PTPN23: variants seen among roughly 807,000 people sequenced by gnomAD.
The protein encoded by PTPN23 is protein tyrosine phosphatase non-receptor type 23, also known as tyrosine-protein phosphatase non-receptor type 23.
Under a neutral mutation model 156.3 loss-of-function variants are expected in PTPN23, and 72 were observed. The observed-to-expected ratio is 0.46, with a 90% CI of 0.38 to 0.56. The LOEUF (loss-of-function observed/expected upper bound fraction) is 0.56, where lower values mean the gene tolerates loss of function less well. Among genes scored for constraint, PTPN23 ranks in the 20% least tolerant of loss-of-function variants. The pLI is 0.00. For missense variants in PTPN23, 1,974 were observed against 2,171.5 expected (o/e 0.91, Z 1.81); for synonymous variants, 957 against 899.6 (o/e 1.06, Z -1.14).
chr3:47,404,811 A>G (rs1220650853), intron 3 of PTPN23, 32 bp downstream of exon 3: 3 of 1,608,322 alleles, frequency 1.9e-6, no homozygotes, highest in Admixed American at 3.4e-5. Flanking sequence ...GGAGGATCCC[A>G]CGGGGAGTCT....
At chr3:47,400,595 C>T (rs1468386579) in intron 2 of PTPN23, among the ~76,000 whole-genome samples, 1 of 152,192 alleles carries the variant, frequency 6.6e-6, no homozygotes, top group Non-Finnish European at 1.5e-5. Context: ...ATTTTTGACA[C>T]AGAGTTTCAC....
rs1302988524 is a variant in PTPN23 at position 47,407,118 on chromosome 3, C to CA, written c.808-11dup. ...AGGAGGACAGAGCAGGCTTTCCTGC[C>CA]ACCCTCCACAGGTTGCATACTTCCA... On this transcript the variant is annotated splice_polypyrimidine_tract_variant and intron_variant, in intron 9 of 24. Transcript: ENST00000265562. This position sits in a 1 kb window ranked among gnomAD's most constrained non-coding sequence, Gnocchi z 4.0. 6.2e-6 allele frequency: 10 copies of CA among 1,613,792 alleles called. No individual in the cohort carries two copies. Among genetic ancestry groups the CA allele is most frequent in the African/African-American group, 1.3e-5 (1 of 74,874 alleles).
Position 47,406,367 on chromosome 3 carries a change from A to G in PTPN23, c.589A>G (p.Asn197Asp), listed in dbSNP as rs1265238894. The change falls in exon 7 of 25, where the codon AAC becomes GAC. Residue 197 changes from asparagine (N) to aspartate (D), a missense_variant. By Grantham distance (23) the Asn-to-Asp change is conservative. Around this residue, in one of 4 missense-constraint regions of PTPN23, gnomAD observed 726 missense variants for 929.5 expected, o/e 0.78. Coordinates refer to ENST00000265562, the MANE Select transcript of PTPN23 (RefSeq NM_015466.4). This position sits in a 1 kb window ranked among gnomAD's most constrained non-coding sequence, Gnocchi z 5.8. The part of the protein sequence containing the change: ...ECLLEKSMLD[N>D]RKSFLVARIS... ...CCTCCTGGAGAAGTCGATGTTGGAC[A>G]ACAGGAAGAGCTTTCTGGTGGCCCG... The G allele has an allele frequency of 6.2e-7, 1 of 1,613,736 alleles. No individual in the cohort carries two copies. Among genetic ancestry groups the G allele is most frequent in the African/African-American group, 1.3e-5 (1 of 74,912 alleles).
intron 1 of PTPN23, among the ~76,000 whole-genome samples, chr3:47,395,735 C>T (rs922549787): frequency 1.3e-5 from 2 of 152,308 alleles, no homozygotes; most frequent in African/African-American, 4.8e-5. Context: ...TGTTTGGTGC[C>T]TCTTGCCTGC....
intron 2 of PTPN23, among the ~76,000 whole-genome samples, chr3:47,397,814 C>T (rs1388320206): frequency 1.3e-5 from 2 of 152,114 alleles, no homozygotes; most frequent in Non-Finnish European, 2.9e-5. Context: ...GGACTACAGG[C>T]GCCCACCACC....
rs763621469 is a variant in PTPN23, at chr3:47,411,666, T to G, written c.3868T>G (p.Ser1290Ala). 1 of 1,604,010 alleles carries G rather than the reference T, an allele frequency of 6.2e-7. No homozygotes were observed. Among genetic ancestry groups the G allele is most frequent in the Non-Finnish European group, 8.5e-7 (1 of 1,173,432 alleles). ...QKVSVIVMLV[S>A]EAEMEKQKVA... ...AGTGTCAGTCATTGTCATGCTGGTTTCTGAGGCTGAGATGGAGAAGGTGAG... is the reference window on the plus strand; with the variant it reads ...AGTGTCAGTCATTGTCATGCTGGTTGCTGAGGCTGAGATGGAGAAGGTGAG... Residue 1290 changes from serine (S) to alanine (A), a missense_variant, in exon 20 of 25, where the codon TCT (serine) becomes GCT (alanine). Coordinates refer to ENST00000265562, the MANE Select transcript of PTPN23 (RefSeq NM_015466.4). This position sits in a 1 kb window ranked among gnomAD's most constrained non-coding sequence, Gnocchi z 6.3.
Position 47,409,070 on chromosome 3 carries a change from C to T in PTPN23, c.1625C>T (p.Thr542Ile), listed in dbSNP as rs1249454574. 6.2e-6 allele frequency: 10 copies of T among 1,611,956 alleles called. No homozygotes were observed. The highest frequency in any genetic ancestry group is 4.0e-5 in the African/African-American group (3 of 74,932). The change falls in exon 16 of 25, where the codon ACA becomes ATA. Residue 542 changes from threonine (T) to isoleucine (I), a missense_variant. Thr to Ile is a moderately conservative substitution (Grantham distance 89). Coordinates refer to ENST00000265562, the MANE Select transcript of PTPN23 (RefSeq NM_015466.4). ...GACCAGGTCCGGGCTGCCCTGCCCA[C>T]ACCGGCCCTCTCCCCAGGTGAGCCC... ...PLDQVRAALP[T>I]PALSPEDKAV...
At position 47,407,353 on chromosome 3, in the gene PTPN23, T is replaced by C. The variant is rs1237790572; in HGVS notation, c.909T>C (p.Asp303=). 1 of 1,613,920 alleles carries C rather than the reference T, an allele frequency of 6.2e-7. No individual in the cohort carries two copies. The highest frequency in any genetic ancestry group is 2.2e-5 in the East Asian group (1 of 44,858). Residue 303 remains aspartate, a synonymous_variant, in exon 11 of 25, where the codon GAT becomes GAC. Coordinates refer to ENST00000265562, the MANE Select transcript of PTPN23 (RefSeq NM_015466.4). The surrounding 1 kb of genome is among the most constrained non-coding windows in gnomAD (Gnocchi z 4.0). The part of the protein sequence containing the change: ...TVQDALRFTM[D]VIGGKYNSAK... The stretch of plus-strand genomic sequence containing the variant: ...AAGACGCGCTTCGCTTCACTATGGA[T>C]GTCATTGGGGGAAAGTGAGTCTGTG...
In PTPN23 at chr3:47,410,701, G is replaced by A; in HGVS notation, c.2903G>A (p.Gly968Glu). 1 of 1,601,234 alleles carries A rather than the reference G, an allele frequency of 6.2e-7. No individual in the cohort carries two copies. Among genetic ancestry groups the A allele is most frequent in the Non-Finnish European group, 8.5e-7 (1 of 1,174,588 alleles). Reference sequence around the variant, plus strand: ...CAGCCCCATCCTTCACAAGCGTTTGGGCCTCAGCCCCCACAGCAGCCCCTT... The same window carrying A: ...CAGCCCCATCCTTCACAAGCGTTTGAGCCTCAGCCCCCACAGCAGCCCCTT... ...HPQPHPSQAFGPQPPQQPLPL... is the reference protein window; with the variant it reads ...HPQPHPSQAFEPQPPQQPLPL... The change falls in exon 20 of 25, where the codon GGG (glycine) becomes GAG (glutamate). Residue 968 changes from glycine to glutamate, a missense_variant. Physicochemically the swap from Gly to Glu is moderately conservative, Grantham distance 98. Around this residue, in one of 4 missense-constraint regions of PTPN23, gnomAD observed 731 missense variants for 669.1 expected, o/e 1.09. Coordinates refer to ENST00000265562, the MANE Select transcript of PTPN23 (RefSeq NM_015466.4).
intron 1 of PTPN23, among the ~76,000 whole-genome samples, chr3:47,393,284 T>C (rs1704812653): frequency 6.6e-6 from 1 of 151,938 alleles, no homozygotes; most frequent in East Asian, 1.9e-4. Flanking sequence ...TCCTGAGAAG[T>C]TGGGATTACA....
chr3:47,403,484 T>A (rs572742225), intron 2 of PTPN23, among the ~76,000 whole-genome samples: 32 of 152,324 alleles, frequency 2.1e-4, no homozygotes, highest in Non-Finnish European at 4.3e-4. Context: ...ATAATTAATT[T>A]AAAACAGTCC....
chr3:47,394,830 G>A (rs1704846073), intron 1 of PTPN23, among the ~76,000 whole-genome samples: 1 of 152,132 alleles, frequency 6.6e-6, no homozygotes, highest in Non-Finnish European at 1.5e-5. Context: ...TTTAAAGCTG[G>A]AAGTGACCTC....
At position 47,409,530 on chromosome 3, in the gene PTPN23, C is replaced by T. The variant is rs778078873; in HGVS notation, c.1911C>T (p.Tyr637=). The T allele has an allele frequency of 1.6e-5, 26 of 1,614,024 alleles. No homozygotes were observed. Among genetic ancestry groups the T allele is most frequent in the East Asian group, 6.7e-5 (3 of 44,880 alleles). Reference sequence around the variant, plus strand: ...CACTGACAGAGGCCAACGTGCAGTACGCAGCCGTGCGGCGGGTACTCAGCG... The same window carrying T: ...CACTGACAGAGGCCAACGTGCAGTATGCAGCCGTGCGGCGGGTACTCAGCG... ...LCALTEANVQ[Y]AAVRRVLSDL... The change falls in exon 18 of 25, where the codon TAC becomes TAT. Residue 637 remains tyrosine, a synonymous_variant. Coordinates refer to ENST00000265562, the MANE Select transcript of PTPN23 (RefSeq NM_015466.4).
chr3:47,392,033 ACAC>A (rs534348695), intron 1 of PTPN23, among the ~76,000 whole-genome samples: 96 of 152,128 alleles, frequency 6.3e-4, no homozygotes, highest in Non-Finnish European at 1.9e-4. Flanking sequence ...GTATAGGCGC[ACAC>A]CACCACACGT....
At chr3:47,384,606 G>A (rs1157499490) in intron 1 of PTPN23, among the ~76,000 whole-genome samples, 1 of 152,044 alleles carries the variant, frequency 6.6e-6, no homozygotes, top group Non-Finnish European at 1.5e-5. Context: ...TGTTTGAGAG[G>A]GCTGGGCTTT....
At chr3:47,386,765 G>T (rs1186757728) in intron 1 of PTPN23, among the ~76,000 whole-genome samples, 1 of 152,212 alleles carries the variant, frequency 6.6e-6, no homozygotes, top group African/African-American at 2.4e-5. Context: ...GAGTCACCCA[G>T]TTGCCTGAGC....
At chr3:47,404,411 T>G in intron 2 of PTPN23, among the ~76,000 whole-genome samples, 1 of 151,182 alleles carries the variant, frequency 6.6e-6, no homozygotes, top group Non-Finnish European at 1.5e-5. Flanking sequence ...GAGACTCTTT[T>G]TTTTTTTTTT....
At chr3:47,382,755 C>G (rs1488410040) in intron 1 of PTPN23, among the ~76,000 whole-genome samples, 1 of 119,264 alleles carries the variant, frequency 8.4e-6, no homozygotes, top group Non-Finnish European at 1.6e-5. Context: ...GTGGCGCAAT[C>G]TCAGCTCACT....
chr3:47,411,320 G>A lies in PTPN23; in HGVS notation c.3522G>A (p.Leu1174=). The change falls in exon 20 of 25, where the codon TTG becomes TTA. Residue 1174 remains leucine, a synonymous_variant. Transcript: ENST00000265562. The surrounding 1 kb of genome is among the most constrained non-coding windows in gnomAD (Gnocchi z 6.3). ...PYEHPERLRQ[L]QQELEAFRGQ... is the part of the protein sequence containing the mutation. ...AGCATCCTGAGAGGCTGCGGCAGTTGCAGCAGGAGCTGGAGGCCTTTCGGG... is the reference window on the plus strand; with the variant it reads ...AGCATCCTGAGAGGCTGCGGCAGTTACAGCAGGAGCTGGAGGCCTTTCGGG... 6.2e-7 allele frequency: 1 copy of A among 1,612,774 alleles called. No individual in the cohort carries two copies. Among genetic ancestry groups the A allele is most frequent in the Non-Finnish European group, 8.5e-7 (1 of 1,179,986 alleles).
Sources: allele counts gnomAD v4.1 joint callset (sites outside exome capture counted in the v4.1 genomes callset), GRCh38; gene constraint gnomAD v4.1.1; regional missense constraint gnomAD v4.1.1; non-coding constraint Gnocchi (gnomAD v3.1); transcripts MANE v1.5; gene names NCBI Gene and HGNC (gene_info 2026-07-23, HGNC 2026-07-21).